PCDHGA10: variants seen among roughly 807,000 people sequenced by gnomAD.
The protein encoded by PCDHGA10 is protocadherin gamma subfamily A, 10, also known as protocadherin gamma-A10.
PCDHGA10 carries 42 observed loss-of-function variants against 59.5 expected under a neutral mutation model. That is an observed-to-expected ratio of 0.71 (90% CI 0.55 to 0.91). PCDHGA10 has a LOEUF of 0.91. PCDHGA10 is among the 40% of genes least tolerant of loss of function. PCDHGA10 has a pLI of 0.00. For synonymous variants in PCDHGA10, 511 were observed against 517.2 expected, an observed-to-expected ratio of 0.99 and a Z score of 0.16; for missense variants, 1,111 against 1,198.2, an observed-to-expected ratio of 0.93 and a Z score of 1.07.
chr5:141,439,773 C>G (rs1323463060), intron 1 of PCDHGA10: 2 of 152,344 alleles, frequency 1.3e-5, no homozygotes, highest in East Asian at 3.9e-4. Flanking sequence ...TCCTTCTTGG[C>G]TGGAGATTCT....
chr5:141,492,859 C>T (rs966216924), intron 1 of PCDHGA10, among the ~76,000 whole-genome samples: 1 of 152,232 alleles, frequency 6.6e-6, no homozygotes, highest in Non-Finnish European at 1.5e-5. Flanking sequence ...CTCGAGCGCC[C>T]TGGCTCTCAA....
rs373297942 is a variant in PCDHGA10 at position 141,431,494 on chromosome 5, C to G, written c.2436+15883C>G. ...ACAACGCACCAGCGTTTGCTCAGCCCGAGTACCGCGCGAGCGTTCCGGAGA... is the reference window on the plus strand; with the variant it reads ...ACAACGCACCAGCGTTTGCTCAGCCGGAGTACCGCGCGAGCGTTCCGGAGA... On this transcript the variant is annotated intron_variant, in intron 1 of 3. Transcript: ENST00000398610. This position sits in a 1 kb window ranked among gnomAD's most constrained non-coding sequence, Gnocchi z 4.8. 16 of 1,613,838 alleles carry G rather than the reference C, an allele frequency of 9.9e-6. No individual in the cohort carries two copies. The highest frequency in any genetic ancestry group is 1.4e-5 in the Non-Finnish European group (16 of 1,180,030).
intron 1 of PCDHGA10, among the ~76,000 whole-genome samples, chr5:141,434,888 C>T (rs1287540129): frequency 6.6e-6 from 1 of 150,944 alleles, no homozygotes; most frequent in Non-Finnish European, 1.5e-5. Flanking sequence ...AACAACAATC[C>T]AGTCCCCTTC....
intron 1 of PCDHGA10, among the ~76,000 whole-genome samples, chr5:141,462,574 C>T (rs1308899602): frequency 2.0e-5 from 3 of 152,036 alleles, no homozygotes; most frequent in Non-Finnish European, 4.4e-5. Context: ...TTGCTAATCC[C>T]ATCCAGTGAA....
chr5:141,419,469 A>G, intron 1 of PCDHGA10: 1 of 1,612,490 alleles, frequency 6.2e-7, no homozygotes, highest in South Asian at 1.1e-5. Context: ...GCCCGCGACC[A>G]GGGCTCGCCC....
In PCDHGA10 at chr5:141,512,903, C is replaced by G. The variant is rs2099884492; in HGVS notation, c.*1730C>G. On this transcript the variant is annotated 3_prime_UTR_variant, in exon 4 of 4. Coordinates refer to ENST00000398610, the MANE Select transcript of PCDHGA10 (RefSeq NM_018913.3). ...CCCCACCCTCTTCCTGTGTCTCACG[C>G]AAGTTTTATACTCTAATATTTATAT... 6.6e-6 allele frequency: 1 copy of G among 152,224 alleles called. No homozygotes were observed. Among genetic ancestry groups the G allele is most frequent in the African/African-American group, 2.4e-5 (1 of 41,452 alleles). 9.4% of individuals were successfully genotyped at this position (152,224 alleles called of 1,614,324 possible).
chr5:141,436,220 T>C (rs1179034537), intron 1 of PCDHGA10, among the ~76,000 whole-genome samples: 2 of 152,096 alleles, frequency 1.3e-5, no homozygotes, highest in Non-Finnish European at 2.9e-5. Flanking sequence ...ACAAATGACT[T>C]GGGAAACTAA....
At chr5:141,497,214 G>C (rs929868102) in intron 2 of PCDHGA10, among the ~76,000 whole-genome samples, 2 of 152,138 alleles carry the variant, frequency 1.3e-5, no homozygotes, top group African/African-American at 4.8e-5. Flanking sequence ...TGTAATGGGG[G>C]GGGGAAGATC....
chr5:141,450,608 T>C (rs916441293), intron 1 of PCDHGA10, among the ~76,000 whole-genome samples: 5 of 151,776 alleles, frequency 3.3e-5, no homozygotes, highest in Admixed American at 2.6e-4. Flanking sequence ...TGCCTCAGCC[T>C]CCTGAGTAGC....
rs994740663 is a variant in PCDHGA10, at chr5:141,477,022, G to T, written c.2437-17785G>T. ...TATTCGCCTTAGACCTTGTAACCGG[G>T]ATGCTGACAATCAAGGGTCGGCTGG... On this transcript the variant is annotated intron_variant, in intron 1 of 3. Transcript: ENST00000398610. The surrounding 1 kb of genome is among the most constrained non-coding windows in gnomAD (Gnocchi z 4.9). 6.2e-7 allele frequency: 1 copy of T among 1,614,240 alleles called. No homozygotes were observed. Among genetic ancestry groups the T allele is most frequent in the African/African-American group, 1.3e-5 (1 of 75,074 alleles).
rs1167791830 is a variant in PCDHGA10 at position 141,420,032 on chromosome 5, G to A, written c.2436+4421G>A. 6.2e-7 allele frequency: 1 copy of A among 1,613,956 alleles called. No individual in the cohort carries two copies. Among genetic ancestry groups the A allele is most frequent in the Non-Finnish European group, 8.5e-7 (1 of 1,179,920 alleles). ...ACAGTCTTTCAGCCCTACTGCAGGA[G>A]ACTGCTTTGAGTCAGTTCTCTGCTC... On this transcript the variant is annotated intron_variant, in intron 1 of 3. Coordinates refer to ENST00000398610, the MANE Select transcript of PCDHGA10 (RefSeq NM_018913.3).
chr5:141,450,052 G>C (rs2098667259), intron 1 of PCDHGA10, among the ~76,000 whole-genome samples: 1 of 141,832 alleles, frequency 7.1e-6, no homozygotes, highest in African/African-American at 2.7e-5. Flanking sequence ...TTTCGCCCAG[G>C]CTGGAATGCA....
chr5:141,422,344 C>G, intron 1 of PCDHGA10: 1 of 1,550,890 alleles, frequency 6.4e-7, no homozygotes, highest in Non-Finnish European at 8.7e-7. Flanking sequence ...TCTAAATGTG[C>G]AAGATCAAGA....
At chr5:141,422,138 T>G (rs1201680879) in intron 1 of PCDHGA10, 1 of 1,587,640 alleles carries the variant, frequency 6.3e-7, no homozygotes, top group Admixed American at 1.9e-5. Context: ...GAAGTTCAAG[T>G]ACGGGGGTCT....
intron 1 of PCDHGA10, among the ~76,000 whole-genome samples, chr5:141,469,489 C>T (rs1013080566): frequency 4.6e-5 from 7 of 151,928 alleles, no homozygotes; most frequent in Middle Eastern, 3.4e-3. Context: ...GCAGGAGAAT[C>T]GCTTGAACCC....
At chr5:141,421,184 C>G (rs2096551183) in intron 1 of PCDHGA10, 1 of 1,457,940 alleles carries the variant, frequency 6.9e-7, no homozygotes, top group African/African-American at 1.4e-5. Context: ...CGATTCACAA[C>G]CAACCAGCTC....
chr5:141,431,194 T>C lies in PCDHGA10; in HGVS notation c.2436+15583T>C. On this transcript the variant is annotated intron_variant, in intron 1 of 3. Coordinates refer to ENST00000398610, the MANE Select transcript of PCDHGA10 (RefSeq NM_018913.3). The surrounding 1 kb of genome is among the most constrained non-coding windows in gnomAD (Gnocchi z 4.8). ...AATTAGAAATAAAAATTAGTGAAAA[T>C]GCAGCCACTGAGATGCGGTTCCCTC... The C allele has an allele frequency of 6.2e-7, 1 of 1,614,124 alleles. No homozygotes were observed.
At chr5:141,509,275 G>A (rs185255724) in intron 3 of PCDHGA10, among the ~76,000 whole-genome samples, 1 of 152,096 alleles carries the variant, frequency 6.6e-6, no homozygotes, top group East Asian at 1.9e-4. Flanking sequence ...CTCGCTACCC[G>A]CTCCCAGGGT....
chr5:141,492,316 G>C (rs1283387204), intron 1 of PCDHGA10, among the ~76,000 whole-genome samples: 1 of 152,190 alleles, frequency 6.6e-6, no homozygotes. Context: ...CGCACTCCTC[G>C]CACGTGGGCT....
Sources: allele counts gnomAD v4.1 joint callset (sites outside exome capture counted in the v4.1 genomes callset), GRCh38; gene constraint gnomAD v4.1.1; non-coding constraint Gnocchi (gnomAD v3.1); transcripts MANE v1.5; gene names NCBI Gene and HGNC (gene_info 2026-07-23, HGNC 2026-07-21).